Variants in PTPRK observed in about 807,000 individuals in gnomAD.
The protein encoded by PTPRK is protein tyrosine phosphatase receptor type K.
In PTPRK, 75 loss-of-function variants were observed where a neutral mutation model predicts 178.0. The ratio of observed to expected loss-of-function variants is 0.42; its 90% CI spans 0.35 to 0.51. The LOEUF is 0.51. Ranked by LOEUF, PTPRK falls within the 20% of genes least tolerant of loss-of-function variation. The pLI is 0.02. For synonymous variants in PTPRK, 637 were observed against 620.6 expected (o/e 1.03, Z -0.39); for missense variants, 1,441 against 1,797.8 (o/e 0.80, Z 3.59).
Position 127,983,287 on chromosome 6 carries a change from A to G in PTPRK, c.3342T>C (p.Cys1114=), listed in dbSNP as rs749701946. The change falls in exon 23 of 30, where the codon TGT becomes TGC. Residue 1114 remains cysteine (C), a synonymous_variant. Coordinates refer to ENST00000368226, the MANE Select transcript of PTPRK (RefSeq NM_002844.4). ...EREGVVDIYN[C]VKALRSRRIN... is the part of the protein sequence containing the mutation. ...TACGCCGAGATCTTAAGGCTTTGACACAATTGTAAATATCAACAACACCCT... is the reference window on the plus strand; with the variant it reads ...TACGCCGAGATCTTAAGGCTTTGACGCAATTGTAAATATCAACAACACCCT... 2.5e-5 allele frequency: 40 copies of G among 1,613,584 alleles called. No individual in the cohort carries two copies. The East Asian group carries it at 8.7e-4, about 35-fold the overall frequency.
intron 3 of PTPRK, among the ~76,000 whole-genome samples, chr6:128,263,461 G>C (rs2128294250): frequency 6.6e-6 from 1 of 152,286 alleles, no homozygotes; most frequent in South Asian, 2.1e-4. Context: ...CAAGCTACTA[G>C]TGTGAAGTTA....
intron 2 of PTPRK, among the ~76,000 whole-genome samples, chr6:128,390,947 C>G (rs1839465213): frequency 6.6e-6 from 1 of 151,772 alleles, no homozygotes; most frequent in Non-Finnish European, 1.5e-5. Context: ...TTCAAACTAC[C>G]CTTTGGAGCC....
At chr6:128,374,139 T>C (rs1305145976) in intron 2 of PTPRK, among the ~76,000 whole-genome samples, 3 of 152,188 alleles carry the variant, frequency 2.0e-5, no homozygotes, top group Non-Finnish European at 4.4e-5. Context: ...TCTCAGAATT[T>C]ATTGATATAT....
At chr6:128,032,237 A>G (rs980230302) in intron 13 of PTPRK, among the ~76,000 whole-genome samples, 26 of 151,878 alleles carry the variant, frequency 1.7e-4, no homozygotes, top group African/African-American at 6.3e-4. Flanking sequence ...TTCCCTTCCA[A>G]TCACTGCTGG....
chr6:128,502,825 G>T (rs958391637), intron 1 of PTPRK, among the ~76,000 whole-genome samples: 3 of 152,108 alleles, frequency 2.0e-5, no homozygotes, highest in South Asian at 2.1e-4. Flanking sequence ...CTAAATAAGG[G>T]TGTGTTACTA....
chr6:128,187,416 A>T (rs139144553), intron 6 of PTPRK, among the ~76,000 whole-genome samples: 231 of 152,280 alleles, frequency 1.5e-3, no homozygotes, highest in Non-Finnish European at 2.4e-3. Flanking sequence ...ATAGCTGTGT[A>T]ATCTTAAATA....
rs1790958839 is a variant in PTPRK, at chr6:128,113,241, T to C, written c.1163-23249A>G. 2.0e-5 allele frequency among the ~76,000 whole-genome samples: 3 copies of C among 151,948 alleles called. 1 individual carries two copies. The highest frequency in any genetic ancestry group is 6.6e-5 in the Admixed American group (1 of 15,240). On this transcript the variant is annotated intron_variant, in intron 7 of 29. Transcript: ENST00000368226. ...TATGGTATTGAGCCAAGTAACTGTATACAGATAGAATATACATATGTACAC... is the reference window on the plus strand; with the variant it reads ...TATGGTATTGAGCCAAGTAACTGTACACAGATAGAATATACATATGTACAC...
intron 1 of PTPRK, among the ~76,000 whole-genome samples, chr6:128,439,266 G>A (rs1845997944): frequency 6.6e-6 from 1 of 152,096 alleles, no homozygotes; most frequent in South Asian, 2.1e-4. Flanking sequence ...CTATGAATGA[G>A]CACGGTAGAT....
At chr6:128,074,287 T>C (rs1783373375) in intron 11 of PTPRK, among the ~76,000 whole-genome samples, 2 of 152,058 alleles carry the variant, frequency 1.3e-5, no homozygotes, top group African/African-American at 4.8e-5. Context: ...AAAATATATA[T>C]TCATTTATTA....
intron 7 of PTPRK, among the ~76,000 whole-genome samples, chr6:128,125,597 C>CTTTTTTTTTTTTTTTTT (rs1562629730): frequency 1.2e-5 from 1 of 82,146 alleles, no homozygotes; most frequent in Non-Finnish European, 2.4e-5. Context: ...TGCCTTTGGG[C>CTTTTTTTTTTTTTTTTT]TTTTCTTTTT....
chr6:128,464,638 C>CATATATATATACACATATAT (rs1849543769), intron 1 of PTPRK, among the ~76,000 whole-genome samples: 2 of 48,608 alleles, frequency 4.1e-5, no homozygotes, highest in African/African-American at 1.9e-4. Flanking sequence ...TATATATACA[C>CATATATATATACACATATAT]ATATATATAT....
chr6:128,348,551 ATT>A (rs1832716400), intron 2 of PTPRK, among the ~76,000 whole-genome samples: 3 of 151,702 alleles, frequency 2.0e-5, no homozygotes. Flanking sequence ...AGTTTACAAA[ATT>A]TTCTGTAAGA....
chr6:128,115,083 C>T (rs1369078219), intron 7 of PTPRK, among the ~76,000 whole-genome samples: 1 of 152,010 alleles, frequency 6.6e-6, no homozygotes, highest in East Asian at 1.9e-4. Context: ...AAGGTAATGC[C>T]AATCATCCCA....
chr6:128,188,620 A>C (rs972891924), intron 6 of PTPRK, among the ~76,000 whole-genome samples: 3 of 152,202 alleles, frequency 2.0e-5, no homozygotes, highest in African/African-American at 7.2e-5. Context: ...GGCTGCTGCA[A>C]CAAATTACTA....
intron 3 of PTPRK, among the ~76,000 whole-genome samples, chr6:128,317,492 C>T (rs1386002384): frequency 2.6e-5 from 4 of 151,190 alleles, no homozygotes; most frequent in Non-Finnish European, 5.9e-5. Context: ...TTTTTAAATT[C>T]TGCCACGTGT....
chr6:128,508,947 CA>C (rs11418015), intron 1 of PTPRK, among the ~76,000 whole-genome samples: 111 of 132,718 alleles, frequency 8.4e-4, no homozygotes, highest in East Asian at 1.4e-3. Context: ...AACTCCATCT[CA>C]AAAAAAAAAA....
intron 6 of PTPRK, among the ~76,000 whole-genome samples, chr6:128,196,214 T>G (rs1196413204): frequency 6.6e-6 from 1 of 151,488 alleles, no homozygotes; most frequent in African/African-American, 2.4e-5. Context: ...TCTATCAATA[T>G]GGTTACTATA....
intron 26 of PTPRK, 32 bp downstream of exon 26, chr6:127,976,891 T>A: frequency 6.2e-7 from 1 of 1,613,214 alleles, no homozygotes; most frequent in Non-Finnish European, 8.5e-7. Flanking sequence ...AAGTTGTATA[T>A]AAGTACATAA....
intron 6 of PTPRK, among the ~76,000 whole-genome samples, chr6:128,187,712 C>A (rs1330220716): frequency 6.6e-6 from 1 of 151,944 alleles, no homozygotes; most frequent in Non-Finnish European, 1.5e-5. Context: ...CATGGTCAGG[C>A]CAAAAATGGG....
Sources: allele counts gnomAD v4.1 joint callset (sites outside exome capture counted in the v4.1 genomes callset), GRCh38; gene constraint gnomAD v4.1.1; transcripts MANE v1.5; gene names NCBI Gene and HGNC (gene_info 2026-07-23, HGNC 2026-07-21).